The following ROBO1 variants were observed in gnomAD, a reference collection of about 807,000 sequenced individuals.
The protein encoded by ROBO1 is roundabout guidance receptor 1, also known as roundabout homolog 1.
A neutral mutation model predicts 195.9 loss-of-function variants in ROBO1; 149 were observed. The ratio of observed to expected loss-of-function variants is 0.76; its 90% CI spans 0.67 to 0.87. The LOEUF is 0.87. Among genes scored for constraint, ROBO1 ranks in the 40% least tolerant of loss-of-function variants. ROBO1 has a pLI of 0.00. For missense variants in ROBO1, 1,933 were observed against 2,068.3 expected (o/e 0.93, Z 1.27); for synonymous variants, 816 against 733.2 (o/e 1.11, Z -1.82).
intron 3 of ROBO1, among the ~76,000 whole-genome samples, chr3:79,012,554 G>A (rs547986900): frequency 6.6e-6 from 1 of 152,356 alleles, no homozygotes; most frequent in East Asian, 1.9e-4. Flanking sequence ...GAACGCCACA[G>A]AGGTACTTCT....
At chr3:79,187,566 T>A (rs1559721932) in intron 2 of ROBO1, among the ~76,000 whole-genome samples, 1 of 151,606 alleles carries the variant, frequency 6.6e-6, no homozygotes, top group African/African-American at 2.4e-5. Context: ...CGAGGGGGAG[T>A]CATTGAAATG....
At chr3:79,443,136 C>T (rs2039117256) in intron 2 of ROBO1, among the ~76,000 whole-genome samples, 1 of 152,004 alleles carries the variant, frequency 6.6e-6, no homozygotes, top group Non-Finnish European at 1.5e-5. Flanking sequence ...GTAAAAAATC[C>T]AGCCAGGTGA....
At chr3:79,303,390 T>C (rs946514836) in intron 2 of ROBO1, among the ~76,000 whole-genome samples, 1 of 152,104 alleles carries the variant, frequency 6.6e-6, no homozygotes, top group South Asian at 2.1e-4. Context: ...GCTCTCGAAC[T>C]CCTGACCTCA....
intron 5 of ROBO1, among the ~76,000 whole-genome samples, chr3:78,722,790 A>G (rs749115831): frequency 2.8e-4 from 42 of 152,126 alleles, no homozygotes; most frequent in Non-Finnish European, 3.5e-4. Flanking sequence ...TTTATTATAT[A>G]TGTGTAACTT....
At chr3:79,392,377 T>C (rs943718484) in intron 2 of ROBO1, among the ~76,000 whole-genome samples, 8 of 152,176 alleles carry the variant, frequency 5.3e-5, no homozygotes, top group Admixed American at 6.5e-5. Context: ...GAAGAGAATG[T>C]TATATGGCAA....
intron 2 of ROBO1, among the ~76,000 whole-genome samples, chr3:79,311,657 C>CT (rs61158808): frequency 6.6e-5 from 10 of 151,872 alleles, no homozygotes; most frequent in African/African-American, 2.4e-4. Context: ...CATTTGTATG[C>CT]TTTTTTTTCT....
At chr3:79,765,643 T>C (rs561848235) in intron 1 of ROBO1, among the ~76,000 whole-genome samples, 1 of 152,306 alleles carries the variant, frequency 6.6e-6, no homozygotes, top group South Asian at 2.1e-4. Flanking sequence ...CAGTGGATTT[T>C]CAACTTTTTT....
intron 1 of ROBO1, among the ~76,000 whole-genome samples, chr3:79,681,469 C>T (rs140562447): frequency 6.6e-6 from 1 of 151,946 alleles, no homozygotes; most frequent in East Asian, 1.9e-4. Flanking sequence ...GAAAGGAATC[C>T]AGAAGTAGGA....
chr3:79,716,131 G>T (rs1249404847), intron 1 of ROBO1, among the ~76,000 whole-genome samples: 1 of 151,728 alleles, frequency 6.6e-6, no homozygotes, highest in African/African-American at 2.4e-5. Flanking sequence ...TTTTTTAAGT[G>T]GTAAACTTCA....
At chr3:79,014,974 A>G (rs2077886960) in intron 3 of ROBO1, among the ~76,000 whole-genome samples, 1 of 152,136 alleles carries the variant, frequency 6.6e-6, no homozygotes, top group Non-Finnish European at 1.5e-5. Flanking sequence ...TATCTAGTCA[A>G]TGTAAAAACG....
At chr3:79,231,466 A>T (rs2082320446) in intron 2 of ROBO1, among the ~76,000 whole-genome samples, 1 of 152,068 alleles carries the variant, frequency 6.6e-6, no homozygotes, top group Admixed American at 6.6e-5. Flanking sequence ...ATAAAAGCTC[A>T]ACATCACTGA....
chr3:79,726,054 G>A lies in ROBO1; in HGVS notation c.-51+41698C>T, dbSNP rs79058913. Among the ~76,000 whole-genome samples, 109 of 152,236 alleles carry A rather than the reference G, an allele frequency of 7.2e-4. 1 individual carries two copies. The East Asian group carries it at 0.013, about 18-fold the overall frequency. On this transcript the variant is annotated intron_variant, in intron 1 of 30. Coordinates refer to ENST00000464233, the MANE Select transcript of ROBO1 (RefSeq NM_002941.4). ...AAACAAGAGTCTGGCAGCCATTCTC[G>A]GCTGGGTTCCTCGTCAGAATTTAAG...
intron 2 of ROBO1, among the ~76,000 whole-genome samples, chr3:79,261,439 T>C (rs894823165): frequency 2.0e-5 from 3 of 152,054 alleles, no homozygotes; most frequent in African/African-American, 7.2e-5. Flanking sequence ...ATGAAAAATG[T>C]TTTTCATTTT....
chr3:79,394,993 G>C (rs1018476532), intron 2 of ROBO1, among the ~76,000 whole-genome samples: 1 of 152,050 alleles, frequency 6.6e-6, no homozygotes, highest in South Asian at 2.1e-4. Flanking sequence ...ATGGAGTCTA[G>C]ATCAGTAGAC....
intron 2 of ROBO1, among the ~76,000 whole-genome samples, chr3:79,387,231 C>A (rs867668226): frequency 2.0e-5 from 3 of 151,972 alleles, no homozygotes; most frequent in South Asian, 4.1e-4. Context: ...GATGATAATA[C>A]AAATCATGCC....
intron 8 of ROBO1, among the ~76,000 whole-genome samples, chr3:78,700,923 C>T (rs947948388): frequency 1.1e-4 from 16 of 152,252 alleles, no homozygotes; most frequent in African/African-American, 3.6e-4. Context: ...GCCACCACAT[C>T]TGTCTAATTT....
chr3:79,135,254 C>T (rs2080382150), intron 2 of ROBO1, among the ~76,000 whole-genome samples: 1 of 152,096 alleles, frequency 6.6e-6, no homozygotes, highest in Non-Finnish European at 1.5e-5. Context: ...GCAAAAGTAT[C>T]ACCCCAGAGG....
chr3:78,822,268 G>C (rs2031079317), intron 4 of ROBO1, among the ~76,000 whole-genome samples: 1 of 152,132 alleles, frequency 6.6e-6, no homozygotes, highest in Admixed American at 6.5e-5. Flanking sequence ...TGAAAACAAA[G>C]GGGATGTGTG....
At chr3:79,688,299 C>G (rs1947193482) in intron 1 of ROBO1, among the ~76,000 whole-genome samples, 1 of 151,740 alleles carries the variant, frequency 6.6e-6, no homozygotes, top group South Asian at 2.1e-4. Flanking sequence ...AGCACACCAA[C>G]ATGGCACATG....
Sources: gnomAD v4.1 joint callset for allele counts (sites outside exome capture counted in the v4.1 genomes callset) on GRCh38, gnomAD v4.1.1 for gene constraint, MANE v1.5 for transcripts, NCBI Gene and HGNC (gene_info 2026-07-23, HGNC 2026-07-21) for gene names.